JAG1: variants seen among roughly 807,000 people sequenced by gnomAD.
The protein encoded by JAG1 is jagged canonical Notch ligand 1, also known as protein jagged-1.
Under a neutral mutation model 148.7 loss-of-function variants are expected in JAG1, and 23 were observed. The observed-to-expected ratio is 0.15, with a 90% CI of 0.11 to 0.22. The LOEUF is 0.22. JAG1 is among the 10% of genes least tolerant of loss of function. The pLI, the probability that JAG1 is intolerant of heterozygous loss-of-function variation, is 1.00. For synonymous variants in JAG1, 572 were observed against 598.3 expected, an observed-to-expected ratio of 0.96 and a Z score of 0.64; for missense variants, 1,054 against 1,611.2, an observed-to-expected ratio of 0.65 and a Z score of 5.92.
chr20:10,643,817 C>G lies in JAG1; in HGVS notation c.2419G>C (p.Glu807Gln). The G allele has an allele frequency of 6.2e-7, 1 of 1,614,066 alleles. No homozygotes were observed. The highest frequency in any genetic ancestry group is 2.2e-5 in the East Asian group (1 of 44,868). The change falls in exon 20 of 26, where the codon GAA becomes CAA. Residue 807 changes from glutamate to glutamine, a missense_variant. By Grantham distance (29) the Glu-to-Gln change is conservative. Transcript: ENST00000254958. ...GGCCCAGCAAAACCCGGGGCACATT[C>G]GCACCGGTACCAGTTGTCTCCATCC... ...CVDGDNWYRCECAPGFAGPDC... is the reference protein window; with the variant it reads ...CVDGDNWYRCQCAPGFAGPDC...
chr20:10,666,465 G>A (rs763417300), intron 2 of JAG1, among the ~76,000 whole-genome samples: 8 of 152,072 alleles, frequency 5.3e-5, no homozygotes, highest in South Asian at 2.1e-4. Context: ...CAGTAGAGGC[G>A]GAGTCCTCCA....
intron 5 of JAG1, among the ~76,000 whole-genome samples, chr20:10,655,143 A>G (rs538449356): frequency 1.3e-5 from 2 of 152,340 alleles, no homozygotes; most frequent in Admixed American, 1.3e-4. Flanking sequence ...CGGGACAACC[A>G]GTTCTTAATT....
chr20:10,643,670 G>C, intron 20 of JAG1, 108 bp downstream of exon 20: 1 of 843,406 alleles, frequency 1.2e-6, no homozygotes, highest in Non-Finnish European at 2.0e-6. Context: ...CTCTATGAGA[G>C]CTACTTAAAG....
rs368162343 is a variant in JAG1, at chr20:10,639,650, G to A, written c.3505C>T (p.Arg1169Trp). 5.6e-6 allele frequency: 9 copies of A among 1,614,052 alleles called. No individual in the cohort carries two copies. Among genetic ancestry groups the A allele is most frequent in the South Asian group, 2.2e-5 (2 of 91,080 alleles). Residue 1169 changes from arginine (R) to tryptophan (W), a missense_variant, in exon 26 of 26, where the codon CGG becomes TGG. Physicochemically the swap from Arg to Trp is moderately radical, Grantham distance 101. Around this residue, in one of 6 missense-constraint regions of JAG1, gnomAD observed 177 missense variants for 177.3 expected, o/e 1.00. Transcript: ENST00000254958. The stretch of plus-strand genomic sequence containing the variant: ...GTGTACGCCGGCTGCTTGGCAAACC[G>A]GGCTTTCTGCTGGTGTTTGTCCATG... The part of the protein sequence containing the change: ...DDMDKHQQKA[R>W]FAKQPAYTLV...
At chr20:10,668,068 C>G (rs1032072644) in intron 2 of JAG1, among the ~76,000 whole-genome samples, 5 of 140,852 alleles carry the variant, frequency 3.5e-5, no homozygotes, top group Non-Finnish European at 6.0e-5. Flanking sequence ...CGCACTGCAC[C>G]AATGGTAGAT....
At chr20:10,659,118 T>C (rs1420459621) in intron 3 of JAG1, among the ~76,000 whole-genome samples, 4 of 152,202 alleles carry the variant, frequency 2.6e-5, no homozygotes, top group African/African-American at 9.7e-5. Flanking sequence ...CAAATCAACC[T>C]CTGTCCACAG....
At position 10,642,406 on chromosome 20, in the gene JAG1, T is replaced by A. The variant is rs1271320090; in HGVS notation, c.2572+82A>T. On this transcript the variant is annotated intron_variant, in intron 21 of 25. Transcript: ENST00000254958. Reference sequence around the variant, plus strand: ...TGTTCCCTTCCCTGAGCACAGTGGCTTATTTGTGAAAAGTCAAATGGTGAC... The same window carrying A: ...TGTTCCCTTCCCTGAGCACAGTGGCATATTTGTGAAAAGTCAAATGGTGAC... The A allele has an allele frequency of 8.8e-6, 7 of 798,546 alleles. No homozygotes were observed. The Admixed American group carries it at 1.3e-4, about 15-fold the overall frequency. 49.5% of individuals were successfully genotyped at this position (798,546 alleles called of 1,614,324 possible). A position where few individuals can be genotyped will look rare whatever the true frequency, so the allele number is the denominator to read the frequency against.
At chr20:10,641,761 T>C in intron 22 of JAG1, 22 bp downstream of exon 22, 1 of 1,609,430 alleles carries the variant, frequency 6.2e-7, no homozygotes, top group Non-Finnish European at 8.5e-7. Flanking sequence ...ACAGGTGAAC[T>C]GCGGCAGCCA....
chr20:10,646,049 C>T lies in JAG1; in HGVS notation c.1921G>A (p.Gly641Ser), dbSNP rs758994613. ...NDCESNPCRNGGTCIDGVNSY... is the reference protein window; with the variant it reads ...NDCESNPCRNSGTCIDGVNSY... ...TTGACACCATCGATGCAAGTGCCAC[C>T]GTTTCTACAAGGGTTGCTCTCACAG... Residue 641 changes from glycine to serine, a missense_variant, in exon 15 of 26, where the codon GGT (glycine) becomes AGT (serine). By Grantham distance (56) the Gly-to-Ser change is moderately conservative (BLOSUM62 0). Coordinates refer to ENST00000254958, the MANE Select transcript of JAG1 (RefSeq NM_000214.3). 11 of 1,613,744 alleles carry T rather than the reference C, an allele frequency of 6.8e-6. No individual in the cohort carries two copies. Among genetic ancestry groups the T allele is most frequent in the South Asian group, 2.2e-5 (2 of 91,056 alleles).
chr20:10,654,242 T>G (rs2067364281), intron 5 of JAG1, among the ~76,000 whole-genome samples: 1 of 152,030 alleles, frequency 6.6e-6, no homozygotes, highest in Admixed American at 6.6e-5. Flanking sequence ...CTCACCTAAT[T>G]AAAGAGACCT....
chr20:10,656,392 A>ATT lies in JAG1; in HGVS notation c.755+4_755+5dup. 1 of 1,610,866 alleles carries ATT rather than the reference A, an allele frequency of 6.2e-7. No homozygotes were observed. Reference sequence around the variant, plus strand: ...AAGAAATCTCACAAAAGACCAGTTGATTTACCTGCAGTCACCTGGGAGTTT... The same window carrying ATT: ...AAGAAATCTCACAAAAGACCAGTTGATTTTTACCTGCAGTCACCTGGGAGTTT... On this transcript the variant is annotated splice_donor_region_variant and intron_variant, in intron 5 of 25. Coordinates refer to ENST00000254958, the MANE Select transcript of JAG1 (RefSeq NM_000214.3).
chr20:10,668,092 T>TAAA lies in JAG1; in HGVS notation c.388-4081_388-4079dup, dbSNP rs58852175. Among the ~76,000 whole-genome samples, 416 of 107,226 alleles carry TAAA rather than the reference T, an allele frequency of 3.9e-3. 6 individuals carry two copies. The highest frequency in any genetic ancestry group is 0.014 in the African/African-American group (385 of 27,478). The allele number at this position is 107,226 out of a possible 152,430, so 70.3% of individuals were successfully genotyped here. On this transcript the variant is annotated intron_variant, in intron 2 of 25. Transcript: ENST00000254958. ...CCAATGGTAGATGTCACTGGCACCA[T>TAAA]AAAAAAAAAAAAAAAAAAAAAAAAC...
rs17536052 is a variant in JAG1 at position 10,664,057 on chromosome 20, G to A, written c.388-43C>T. On this transcript the variant is annotated intron_variant, in intron 2 of 25. Transcript: ENST00000254958. Reference sequence around the variant, plus strand: ...AATTTAGCAATTCAGAAACAGGGTCGACTTTCCAAAATCTCGTACATTCTT... The same window carrying A: ...AATTTAGCAATTCAGAAACAGGGTCAACTTTCCAAAATCTCGTACATTCTT... 0.068 allele frequency: 105,339 copies of A among 1,547,914 alleles called. 4,203 individuals carry two copies. The highest frequency in any genetic ancestry group is 0.1 in the Admixed American group (6,009 of 59,912).
chr20:10,666,435 GC>G (rs1333966918), intron 2 of JAG1, among the ~76,000 whole-genome samples: 1 of 152,154 alleles, frequency 6.6e-6, no homozygotes, highest in Non-Finnish European at 1.5e-5. Flanking sequence ...CATACAAGCA[GC>G]CACTGCAACT....
rs926808324 is a variant in JAG1, at chr20:10,673,534, T to TGCGCCGC, written c.-11_-5dup. On this transcript the variant is annotated 5_prime_UTR_variant, in exon 1 of 26. Coordinates refer to ENST00000254958, the MANE Select transcript of JAG1 (RefSeq NM_000214.3). The surrounding 1 kb of genome is among the most constrained non-coding windows in gnomAD (Gnocchi z 4.7). ...CGCGCGTCCGTGGGGAACGCATCGCTGCGCCGCGCGCCGCGGGCACTCGGG... is the reference window on the plus strand; with the variant it reads ...CGCGCGTCCGTGGGGAACGCATCGCTGCGCCGCGCGCCGCGCGCCGCGGGCACTCGGG... 2 of 1,239,552 alleles carry TGCGCCGC rather than the reference T, an allele frequency of 1.6e-6. No homozygotes were observed. The highest frequency in any genetic ancestry group is 4.0e-5 in the South Asian group (1 of 25,018). 76.8% of individuals were successfully genotyped at this position (1,239,552 alleles called of 1,614,324 possible). A position where few individuals can be genotyped will look rare whatever the true frequency, so the allele number is the denominator to read the frequency against.
intron 20 of JAG1, among the ~76,000 whole-genome samples, chr20:10,642,945 T>C (rs1389955465): frequency 2.6e-5 from 4 of 152,256 alleles, no homozygotes; most frequent in Non-Finnish European, 4.4e-5. Context: ...ATATAGTCTC[T>C]GTCACAACTA....
At chr20:10,652,433 G>C in intron 6 of JAG1, 35 bp downstream of exon 6, 1 of 1,611,576 alleles carries the variant, frequency 6.2e-7, no homozygotes, top group Non-Finnish European at 8.5e-7. Flanking sequence ...CCCACCCCCA[G>C]ATCCCACCCT....
At chr20:10,647,137 T>C (rs1202668069) in intron 13 of JAG1, 34 bp from the exon 14 acceptor site, 12 of 1,613,590 alleles carry the variant, frequency 7.4e-6, no homozygotes, top group Admixed American at 5.0e-5. Context: ...ATCACAGCCA[T>C]GCACCCACAG....
Position 10,672,752 on chromosome 20 carries a change from G to C in JAG1, c.336C>G (p.Ser112Arg). Residue 112 changes from serine to arginine, a missense_variant, in exon 2 of 26, where the codon AGC becomes AGG. Around this residue, in one of 6 missense-constraint regions of JAG1, gnomAD observed 151 missense variants for 211.1 expected, o/e 0.72. Coordinates refer to ENST00000254958, the MANE Select transcript of JAG1 (RefSeq NM_000214.3). ...CGATGCGGTTGCGGTCGTTGCCGCGGCTGGCCTTGAGGTTGAAGGTGTTGC... is the reference window on the plus strand; with the variant it reads ...CGATGCGGTTGCGGTCGTTGCCGCGCCTGGCCTTGAGGTTGAAGGTGTTGC... ...IGGNTFNLKA[S>R]RGNDRNRIVL... 1.2e-6 allele frequency: 2 copies of C among 1,613,060 alleles called. No individual in the cohort carries two copies. The highest frequency in any genetic ancestry group is 1.7e-6 in the Non-Finnish European group (2 of 1,180,026).
Sources: gnomAD v4.1 joint callset for allele counts (sites outside exome capture counted in the v4.1 genomes callset) on GRCh38, gnomAD v4.1.1 for gene constraint, gnomAD v4.1.1 regional missense constraint, Gnocchi (gnomAD v3.1) non-coding constraint, MANE v1.5 for transcripts, NCBI Gene and HGNC (gene_info 2026-07-23, HGNC 2026-07-21) for gene names.